Variants in MAP2K1 observed in about 807,000 individuals in gnomAD.
MAP2K1 encodes mitogen-activated protein kinase kinase 1, also known as dual specificity mitogen-activated protein kinase kinase 1.
In MAP2K1, 16 loss-of-function variants were observed where a neutral mutation model predicts 46.3. The ratio of observed to expected loss-of-function variants is 0.35; its 90% CI spans 0.23 to 0.52. The LOEUF (loss-of-function observed/expected upper bound fraction) is 0.52. Ranked by LOEUF, MAP2K1 falls within the 20% of genes least tolerant of loss-of-function variation. The pLI is 0.94. For synonymous variants in MAP2K1, 183 were observed against 185.6 expected (o/e 0.99, Z 0.11); for missense variants, 263 against 497.1 (o/e 0.53, Z 4.48).
At chr15:66,404,878 C>A (rs1326449247) in intron 1 of MAP2K1, among the ~76,000 whole-genome samples, 1 of 152,096 alleles carries the variant, frequency 6.6e-6, no homozygotes, top group East Asian at 1.9e-4. Flanking sequence ...AATTCCTGAG[C>A]AAGTTGCTTT....
chr15:66,449,717 T>C (rs995550599), intron 5 of MAP2K1, among the ~76,000 whole-genome samples: 1 of 151,994 alleles, frequency 6.6e-6, no homozygotes, highest in African/African-American at 2.4e-5. Flanking sequence ...CCCCGTCTAC[T>C]AAAAATACAA....
At chr15:66,441,592 T>G (rs923529703) in intron 3 of MAP2K1, among the ~76,000 whole-genome samples, 2 of 152,210 alleles carry the variant, frequency 1.3e-5, no homozygotes, top group Admixed American at 6.5e-5. Flanking sequence ...GATCACTTCC[T>G]CCTCTGAGCA....
chr15:66,397,931 A>G lies in MAP2K1; in HGVS notation c.80+10504A>G, dbSNP rs536479083. ...AGCCTGGCCAACATAGTGAAACCCCATCTCTACTAAAAATACAAAAATTAG... is the reference window on the plus strand; with the variant it reads ...AGCCTGGCCAACATAGTGAAACCCCGTCTCTACTAAAAATACAAAAATTAG... On this transcript the variant is annotated intron_variant, in intron 1 of 10. Coordinates refer to ENST00000307102, the MANE Select transcript of MAP2K1 (RefSeq NM_002755.4). 1.2e-4 allele frequency among the ~76,000 whole-genome samples: 18 copies of G among 152,046 alleles called. No homozygotes were observed. In the South Asian group the frequency reaches 3.5e-3, roughly 30 times the overall value.
intron 1 of MAP2K1, among the ~76,000 whole-genome samples, chr15:66,422,739 G>A (rs1164883679): frequency 6.6e-6 from 1 of 152,058 alleles, no homozygotes; most frequent in African/African-American, 2.4e-5. Context: ...GGTGCCCTGT[G>A]TTTTTTCGAT....
At chr15:66,444,541 G>C in intron 4 of MAP2K1, 115 bp from the exon 5 acceptor site, 1 of 826,576 alleles carries the variant, frequency 1.2e-6, no homozygotes, top group South Asian at 1.4e-5. Flanking sequence ...CTCAAAGGAG[G>C]AAGGCAAATT....
At chr15:66,433,531 G>T (rs1464909082) in intron 1 of MAP2K1, among the ~76,000 whole-genome samples, 1 of 152,106 alleles carries the variant, frequency 6.6e-6, no homozygotes, top group Non-Finnish European at 1.5e-5. Context: ...CCTCGGCCTT[G>T]CATCTTCTTT....
At chr15:66,449,422 CAT>C (rs1891974817) in intron 5 of MAP2K1, among the ~76,000 whole-genome samples, 1 of 152,162 alleles carries the variant, frequency 6.6e-6, no homozygotes, top group Non-Finnish European at 1.5e-5. Context: ...TCCACAGTAA[CAT>C]ATAGCAGATG....
intron 1 of MAP2K1, among the ~76,000 whole-genome samples, chr15:66,405,154 T>G (rs1426503795): frequency 6.6e-6 from 1 of 152,166 alleles, no homozygotes; most frequent in Non-Finnish European, 1.5e-5. Flanking sequence ...CTCAGGGAAG[T>G]TATTTCATAA....
At chr15:66,429,675 C>CT (rs1272329851) in intron 1 of MAP2K1, among the ~76,000 whole-genome samples, 1 of 53,588 alleles carries the variant, frequency 1.9e-5, no homozygotes, top group African/African-American at 8.7e-5. Context: ...CCCCCCCCCC[C>CT]CCCGTCCCCC....
At chr15:66,480,716 T>C (rs1180403713) in intron 5 of MAP2K1, among the ~76,000 whole-genome samples, 1 of 152,172 alleles carries the variant, frequency 6.6e-6, no homozygotes, top group Non-Finnish European at 1.5e-5. Context: ...GTCTATATTA[T>C]GACTATTAAT....
At chr15:66,404,789 G>A (rs2093392111) in intron 1 of MAP2K1, among the ~76,000 whole-genome samples, 1 of 151,992 alleles carries the variant, frequency 6.6e-6, no homozygotes, top group Admixed American at 6.6e-5. Context: ...AGCGGAAATG[G>A]TGAGCGGAAA....
Position 66,387,331 on chromosome 15 carries a change from C to G in MAP2K1, c.-17C>G, listed in dbSNP as rs769505606. 1.0e-5 allele frequency: 16 copies of G among 1,553,042 alleles called. 1 individual carries two copies. The South Asian group carries it at 1.7e-4, about 16-fold the overall frequency. On this transcript the variant is annotated 5_prime_UTR_variant, in exon 1 of 11. Coordinates refer to ENST00000307102, the MANE Select transcript of MAP2K1 (RefSeq NM_002755.4). ...TGCCCTCCCCCCGGAGTTGGAAGCGCGTTACCCGGGTCCAAAATGCCCAAG... is the reference window on the plus strand; with the variant it reads ...TGCCCTCCCCCCGGAGTTGGAAGCGGGTTACCCGGGTCCAAAATGCCCAAG...
chr15:66,426,289 A>G (rs2093458570), intron 1 of MAP2K1, among the ~76,000 whole-genome samples: 1 of 151,864 alleles, frequency 6.6e-6, no homozygotes, highest in Admixed American at 6.6e-5. Context: ...TAAATGAGGT[A>G]GATAAAATTT....
chr15:66,434,379 A>G (rs1011993532), intron 1 of MAP2K1, among the ~76,000 whole-genome samples: 1 of 152,202 alleles, frequency 6.6e-6, no homozygotes, highest in Admixed American at 6.5e-5. Flanking sequence ...GATGATGTGG[A>G]CCTCTTAACC....
intron 1 of MAP2K1, among the ~76,000 whole-genome samples, chr15:66,394,598 G>A (rs1288518204): frequency 6.6e-6 from 1 of 151,566 alleles, no homozygotes; most frequent in Non-Finnish European, 1.5e-5. Flanking sequence ...TAGTACTACC[G>A]GCATGTACCA....
chr15:66,469,159 G>T (rs905598252), intron 5 of MAP2K1, among the ~76,000 whole-genome samples: 7 of 151,930 alleles, frequency 4.6e-5, no homozygotes, highest in African/African-American at 1.7e-4. Context: ...CGGAGGCTGA[G>T]GCAGGAGAAT....
intron 5 of MAP2K1, 56 bp from the exon 6 acceptor site, chr15:66,481,699 T>C: frequency 6.3e-7 from 1 of 1,597,866 alleles, no homozygotes; most frequent in South Asian, 1.1e-5. Flanking sequence ...CTGATCCTTC[T>C]CTTCCCCAAT....
chr15:66,428,279 T>C (rs1215825365), intron 1 of MAP2K1, among the ~76,000 whole-genome samples: 82 of 28,958 alleles, frequency 2.8e-3, no homozygotes, highest in East Asian at 8.8e-3. Flanking sequence ...TGCGTGTGTG[T>C]GTGTGTGTGT....
At chr15:66,389,064 G>T (rs112089092) in intron 1 of MAP2K1, among the ~76,000 whole-genome samples, 31,910 of 151,784 alleles carry the variant, frequency 0.21, 4,081 homozygotes, top group South Asian at 0.32. Flanking sequence ...GCGCCACCAT[G>T]CCCGGCTAAT....
Sources: gnomAD v4.1 joint callset for allele counts (sites outside exome capture counted in the v4.1 genomes callset) on GRCh38, gnomAD v4.1.1 for gene constraint, MANE v1.5 for transcripts, NCBI Gene and HGNC (gene_info 2026-07-23, HGNC 2026-07-21) for gene names.